USP25: variants seen among roughly 807,000 people sequenced by gnomAD.
The protein encoded by USP25 is ubiquitin carboxyl-terminal hydrolase 25.
In USP25, 85 loss-of-function variants were observed where a neutral mutation model predicts 158.5. The observed-to-expected ratio is 0.54, with a 90% confidence interval of 0.45 to 0.64. USP25 has a LOEUF of 0.64. USP25 is among the 30% of genes least tolerant of loss of function. The pLI is 0.00. For synonymous variants in USP25, 464 were observed against 460.4 expected (o/e 1.01, Z -0.10); for missense variants, 1,242 against 1,327.3 (o/e 0.94, Z 1.00).
rs764181025 is a variant in USP25, at chr21:15,870,138, A to T, written c.2876A>T (p.Gln959Leu). The change falls in exon 23 of 26, where the codon CAA (glutamine) becomes CTA (leucine). Residue 959 changes from glutamine (Q) to leucine (L), a missense_variant. Physicochemically the swap from Gln to Leu is moderately radical, Grantham distance 113. This residue lies in a region of USP25 where 608 missense variants were observed against 605.2 expected (regional missense o/e 1.00). Coordinates refer to ENST00000400183, the MANE Select transcript of USP25 (RefSeq NM_001283041.3). ...CTCATAATTGGGCTAGAAAATTTTC[A>T]AAGAGAAAGGTAAGGCAAAGTGGAC... is the stretch of plus-strand genomic sequence containing the variant. ...MYLIIGLENF[Q>L]RESYIDSLLF... 6.2e-7 allele frequency: 1 copy of T among 1,608,490 alleles called. No individual in the cohort carries two copies. Among genetic ancestry groups the T allele is most frequent in the Admixed American group, 1.7e-5 (1 of 59,266 alleles).
chr21:15,865,835 G>C (rs192090397), intron 21 of USP25, among the ~76,000 whole-genome samples: 1 of 152,104 alleles, frequency 6.6e-6, no homozygotes, highest in Non-Finnish European at 1.5e-5. Flanking sequence ...ATAAAATCCA[G>C]TGGGATGTTT....
chr21:15,869,859 C>G (rs1174889022), intron 22 of USP25, among the ~76,000 whole-genome samples: 1 of 152,064 alleles, frequency 6.6e-6, no homozygotes, highest in Non-Finnish European at 1.5e-5. Flanking sequence ...ATATCCATGC[C>G]TAATAATTTT....
Position 15,816,480 on chromosome 21 carries a change from G to T in USP25, c.932-2218G>T, listed in dbSNP as rs2036941897. Among the ~76,000 whole-genome samples, 1 of 151,814 alleles carries T rather than the reference G, an allele frequency of 6.6e-6. No homozygotes were observed. Among genetic ancestry groups the T allele is most frequent in the South Asian group, 2.1e-4 (1 of 4,810 alleles). ...CTTTCCTTAAAAACACATTTCTCTG[G>T]CTTTTGTAACACCATATTCTTGTGG... On this transcript the variant is annotated intron_variant, in intron 9 of 25. Transcript: ENST00000400183. This position sits in a 1 kb window ranked among gnomAD's most constrained non-coding sequence, Gnocchi z 4.0.
At chr21:15,860,964 A>ATG (rs2039398161) in intron 20 of USP25, among the ~76,000 whole-genome samples, 1 of 143,182 alleles carries the variant, frequency 7.0e-6, no homozygotes, top group African/African-American at 2.5e-5. Flanking sequence ...ATATATATAT[A>ATG]TATATATATA....
chr21:15,811,316 A>G, intron 9 of USP25, 106 bp downstream of exon 9: 1 of 1,009,856 alleles, frequency 9.9e-7, no homozygotes, highest in Non-Finnish European at 1.5e-6. Context: ...TTAATTTGAT[A>G]TATTCTGTCT....
chr21:15,747,521 G>GT (rs1405254761), intron 1 of USP25, among the ~76,000 whole-genome samples: 5 of 151,786 alleles, frequency 3.3e-5, no homozygotes, highest in Middle Eastern at 3.2e-3. Flanking sequence ...CTGTGATAAA[G>GT]TTTAATTTAT....
At chr21:15,824,249 T>C (rs967991523) in intron 11 of USP25, 83 bp downstream of exon 11, 7 of 1,515,958 alleles carry the variant, frequency 4.6e-6, no homozygotes, top group Non-Finnish European at 6.2e-6. Context: ...TTCTGCATAA[T>C]TTTCTTAGAA....
chr21:15,756,456 A>C (rs1324443344), intron 1 of USP25, among the ~76,000 whole-genome samples: 1 of 151,930 alleles, frequency 6.6e-6, no homozygotes, highest in Admixed American at 6.6e-5. Flanking sequence ...ATAAATTCAT[A>C]TTTTCTTGCC....
At chr21:15,787,902 ACC>A (rs5842545) in intron 4 of USP25, among the ~76,000 whole-genome samples, 2 of 83,648 alleles carry the variant, frequency 2.4e-5, no homozygotes, top group Non-Finnish European at 5.2e-5. Context: ...ACACCCCCTC[ACC>A]CCCCCCCCAA....
chr21:15,756,980 G>A (rs893060096), intron 1 of USP25, among the ~76,000 whole-genome samples: 4 of 152,174 alleles, frequency 2.6e-5, no homozygotes, highest in African/African-American at 7.2e-5. Context: ...TTGCTGGTCA[G>A]GGAGAGGACC....
intron 9 of USP25, among the ~76,000 whole-genome samples, chr21:15,815,387 C>T (rs936045382): frequency 4.6e-5 from 7 of 152,330 alleles, no homozygotes; most frequent in East Asian, 1.9e-4. Context: ...AAGAAGGCCA[C>T]TGTCCTCCAG....
chr21:15,853,612 CT>C, intron 20 of USP25, among the ~76,000 whole-genome samples: 1 of 152,222 alleles, frequency 6.6e-6, no homozygotes, highest in Non-Finnish European at 1.5e-5. Flanking sequence ...ACTTAAAATA[CT>C]TTTCTTAGTA....
At chr21:15,855,934 A>T (rs1404877144) in intron 20 of USP25, among the ~76,000 whole-genome samples, 5 of 152,186 alleles carry the variant, frequency 3.3e-5, no homozygotes, top group Admixed American at 6.5e-5. Flanking sequence ...TTTTTGTCTG[A>T]CTGCTTTTAC....
intron 20 of USP25, among the ~76,000 whole-genome samples, chr21:15,859,083 A>G (rs1266664072): frequency 6.6e-6 from 1 of 150,498 alleles, no homozygotes; most frequent in Non-Finnish European, 1.5e-5. Flanking sequence ...AAATTGATCT[A>G]TAGTTTCTTT....
Position 15,875,141 on chromosome 21 carries a change from C to T in USP25, c.3009+615C>T, listed in dbSNP as rs1383319733. ...GAGCCAAGATCGCGCCACTGCATTC[C>T]ATCCTGGCAACCAGGTGACAGAGCA... On this transcript the variant is annotated intron_variant, in intron 24 of 25. Coordinates refer to ENST00000400183, the MANE Select transcript of USP25 (RefSeq NM_001283041.3). The surrounding 1 kb of genome is among the most constrained non-coding windows in gnomAD (Gnocchi z 4.7). Among the ~76,000 whole-genome samples, 1 of 152,142 alleles carries T rather than the reference C, an allele frequency of 6.6e-6. No homozygotes were observed. Among genetic ancestry groups the T allele is most frequent in the Non-Finnish European group, 1.5e-5 (1 of 68,014 alleles).
intron 5 of USP25, among the ~76,000 whole-genome samples, chr21:15,793,394 A>G (rs1461398342): frequency 2.0e-5 from 3 of 150,476 alleles, no homozygotes; most frequent in Non-Finnish European, 4.4e-5. Context: ...TACAGTTACA[A>G]TCTGTTTCTA....
chr21:15,856,808 T>C (rs1305739558), intron 20 of USP25, among the ~76,000 whole-genome samples: 1 of 152,222 alleles, frequency 6.6e-6, no homozygotes, highest in Non-Finnish European at 1.5e-5. Flanking sequence ...CTTGAGTTTA[T>C]TTTTCATGTA....
At position 15,842,381 on chromosome 21, in the gene USP25, A is replaced by G; in HGVS notation, c.2195-17A>G. On this transcript the variant is annotated splice_polypyrimidine_tract_variant and intron_variant, in intron 17 of 25. Transcript: ENST00000400183. ...GTGGTTTATATTAGATATATAATTG[A>G]TTCTTTTCTCATGAAGCACAAGCAG... is the stretch of plus-strand genomic sequence containing the variant. 1 of 1,611,394 alleles carries G rather than the reference A, an allele frequency of 6.2e-7. No homozygotes were observed. The highest frequency in any genetic ancestry group is 8.5e-7 in the Non-Finnish European group (1 of 1,179,018).
intron 21 of USP25, among the ~76,000 whole-genome samples, chr21:15,865,564 T>C (rs2039619413): frequency 6.6e-6 from 1 of 152,214 alleles, no homozygotes; most frequent in Non-Finnish European, 1.5e-5. Context: ...TTTTGATACA[T>C]GCGACTGCAG....
Sources: gnomAD v4.1 joint callset for allele counts (sites outside exome capture counted in the v4.1 genomes callset) on GRCh38, gnomAD v4.1.1 for gene constraint, gnomAD v4.1.1 regional missense constraint, Gnocchi (gnomAD v3.1) non-coding constraint, MANE v1.5 for transcripts, NCBI Gene and HGNC (gene_info 2026-07-23, HGNC 2026-07-21) for gene names.